Variants in TRIM36 observed in about 807,000 individuals in gnomAD.
TRIM36 encodes the protein E3 ubiquitin-protein ligase TRIM36.
A neutral mutation model predicts 72.4 loss-of-function variants in TRIM36; 42 were observed. The observed-to-expected ratio is 0.58, with a 90% confidence interval of 0.45 to 0.75. The LOEUF is 0.75. Ranked by LOEUF, TRIM36 falls within the 30% of genes least tolerant of loss-of-function variation. The probability of loss-of-function intolerance (pLI) is 0.00; values close to 1 mark genes in which losing one functional copy is unlikely to be tolerated. For missense variants in TRIM36, 913 were observed against 857.1 expected (o/e 1.07, Z -0.81); for synonymous variants, 315 against 282.8 (o/e 1.11, Z -1.14).
At chr5:115,136,465 T>C (rs769412704) in intron 7 of TRIM36, among the ~76,000 whole-genome samples, 1 of 152,198 alleles carries the variant, frequency 6.6e-6, no homozygotes, top group African/African-American at 2.4e-5. Flanking sequence ...ACTCAGTCTA[T>C]GGTACTTTTG....
chr5:115,177,752 A>C, intron 1 of TRIM36: 5 of 1,614,130 alleles, frequency 3.1e-6, no homozygotes, highest in Non-Finnish European at 4.2e-6. Flanking sequence ...GAATTGTCCT[A>C]AGTTCTTCTT....
At chr5:115,135,480 A>G (rs1485900598) in intron 7 of TRIM36, among the ~76,000 whole-genome samples, 1 of 68,388 alleles carries the variant, frequency 1.5e-5, no homozygotes, top group Non-Finnish European at 3.3e-5. Context: ...ATAGCTTACT[A>G]AAAAAAAAAA....
chr5:115,170,425 G>A (rs1163422485), upstream of TRIM36, among the ~76,000 whole-genome samples: 3 of 152,200 alleles, frequency 2.0e-5, no homozygotes, highest in Admixed American at 6.5e-5. Flanking sequence ...GCGAGCCTAA[G>A]CCACCTTCCC....
Position 115,133,968 on chromosome 5 carries a change from G to T in TRIM36, c.1390C>A (p.Gln464Lys). The T allele has an allele frequency of 6.2e-7, 1 of 1,613,766 alleles. No individual in the cohort carries two copies. Among genetic ancestry groups the T allele is most frequent in the Non-Finnish European group, 8.5e-7 (1 of 1,179,880 alleles). ...IEVCGTSKII[Q>K]DLENSSTYAF... ...TAGGTACTACTGTTTTCCAAGTCTT[G>T]AATTATTTTACTTGTTCCACACACT... Residue 464 changes from glutamine (Q) to lysine (K), a missense_variant, in exon 8 of 10, where the codon CAA becomes AAA. Physicochemically the swap from Gln to Lys is moderately conservative, Grantham distance 53. Coordinates refer to ENST00000513154, the MANE Select transcript of TRIM36 (RefSeq NM_001300759.2).
intron 1 of TRIM36, chr5:115,177,675 C>A: frequency 6.2e-7 from 1 of 1,606,954 alleles, no homozygotes; most frequent in Non-Finnish European, 8.5e-7. Flanking sequence ...AATAAGCTTA[C>A]GTTGAAATGG....
At chr5:115,156,414 C>T (rs1754184053) in intron 2 of TRIM36, among the ~76,000 whole-genome samples, 1 of 152,168 alleles carries the variant, frequency 6.6e-6, no homozygotes, top group East Asian at 1.9e-4. Flanking sequence ...TAATTTCAAA[C>T]TATACTGTAA....
In TRIM36 at chr5:115,141,227, G is replaced by C. The variant is rs374530706; in HGVS notation, c.831+52C>G. Reference sequence around the variant, plus strand: ...GGATTTTATGAACAAATGAATGAATGTCTAGATAAAATAACAATAATTTAA... The same window carrying C: ...GGATTTTATGAACAAATGAATGAATCTCTAGATAAAATAACAATAATTTAA... On this transcript the variant is annotated intron_variant, in intron 5 of 9. Transcript: ENST00000513154. 185 of 1,262,148 alleles carry C rather than the reference G, an allele frequency of 1.5e-4. No homozygotes were observed. The Middle Eastern group carries it at 3.2e-3, about 22-fold the overall frequency. The allele number at this position is 1,262,148 out of a possible 1,614,324, so 78.2% of individuals were successfully genotyped here.
rs764090439 is a variant in TRIM36, at chr5:115,144,719, G to A, written c.614C>T (p.Thr205Ile). The A allele has an allele frequency of 1.9e-6, 3 of 1,613,808 alleles. No homozygotes were observed. Among genetic ancestry groups the A allele is most frequent in the South Asian group, 1.1e-5 (1 of 91,014 alleles). The change falls in exon 4 of 10, where the codon ACA becomes ATA. Residue 205 changes from threonine to isoleucine, a missense_variant. By Grantham distance (89) the Thr-to-Ile change is moderately conservative. Coordinates refer to ENST00000513154, the MANE Select transcript of TRIM36 (RefSeq NM_001300759.2). ...TTCACAGTACATGTTTATTCTCTCT[G>A]TTTCATGTTCTGGGCACATTAAAAT... ...PKILMCPEHE[T>I]ERINMYCELC...
chr5:115,147,046 A>T (rs1299483670), intron 3 of TRIM36, 23 bp downstream of exon 3: 1 of 1,579,278 alleles, frequency 6.3e-7, no homozygotes, highest in Non-Finnish European at 8.6e-7. Flanking sequence ...ATAACATTCT[A>T]ACTTAATAAA....
intron 2 of TRIM36, among the ~76,000 whole-genome samples, chr5:115,161,915 A>G (rs925030710): frequency 3.3e-5 from 5 of 152,350 alleles, no homozygotes; most frequent in South Asian, 4.1e-4. Context: ...GCCCTGCAGC[A>G]TCTAAATTTG....
Position 115,169,807 on chromosome 5 carries a change from G to A in TRIM36, c.-173C>T, listed in dbSNP as rs1754998790. On this transcript the variant is annotated 5_prime_UTR_variant, in exon 1 of 10. Coordinates refer to ENST00000513154, the MANE Select transcript of TRIM36 (RefSeq NM_001300759.2). ...CCGACGCGGGGAGAAGTAAGCCGGG[G>A]CAGGCAAAAGCACAGGCGCGGGAGA... 6 of 1,317,002 alleles carry A rather than the reference G, an allele frequency of 4.6e-6. No homozygotes were observed. Among genetic ancestry groups the A allele is most frequent in the Non-Finnish European group, 4.9e-6 (5 of 1,027,662 alleles). The allele number at this position is 1,317,002 out of a possible 1,614,324, so 81.6% of individuals were successfully genotyped here. A position where few individuals can be genotyped will look rare whatever the true frequency, so the allele number is the denominator to read the frequency against.
At chr5:115,136,120 C>T (rs1488333153) in intron 7 of TRIM36, among the ~76,000 whole-genome samples, 2 of 151,960 alleles carry the variant, frequency 1.3e-5, no homozygotes, top group Non-Finnish European at 2.9e-5. Context: ...CAGACCCCAC[C>T]CCTCGCCACT....
At chr5:115,167,967 C>T (rs1440953549) in intron 1 of TRIM36, among the ~76,000 whole-genome samples, 4 of 152,186 alleles carry the variant, frequency 2.6e-5, no homozygotes, top group African/African-American at 7.2e-5. Context: ...GAAGCAAGCA[C>T]GTTTTACATG....
intron 2 of TRIM36, among the ~76,000 whole-genome samples, chr5:115,159,031 G>C (rs918108549): frequency 6.6e-6 from 1 of 152,128 alleles, no homozygotes; most frequent in East Asian, 1.9e-4. Flanking sequence ...AGGTCAACTG[G>C]AGTAAAAATA....
chr5:115,134,563 T>TG (rs943348163), intron 7 of TRIM36, among the ~76,000 whole-genome samples: 1 of 151,676 alleles, frequency 6.6e-6, no homozygotes, highest in Non-Finnish European at 1.5e-5. Context: ...TTTTTTAAGA[T>TG]GGAGTGTTGC....
intron 1 of TRIM36, among the ~76,000 whole-genome samples, chr5:115,167,184 GCAGCAGGGCCC>G (rs1436309522): frequency 2.0e-5 from 3 of 152,220 alleles, no homozygotes; most frequent in Non-Finnish European, 4.4e-5. Flanking sequence ...GCTGCACACA[GCAGCAGGGCCC>G]TGGGCCCACT....
At chr5:115,136,294 T>A (rs1456542513) in intron 7 of TRIM36, among the ~76,000 whole-genome samples, 17 of 3,530 alleles carry the variant, frequency 4.8e-3, no homozygotes, top group South Asian at 0.031. Flanking sequence ...ATTAGATCTC[T>A]CTCACACACA....
rs750417851 is a variant in TRIM36, at chr5:115,126,707, A to T, written c.1947T>A (p.Pro649=). Residue 649 remains proline, a synonymous_variant, in exon 10 of 10, where the codon CCT becomes CCA. Transcript: ENST00000513154. The part of the protein sequence containing the change: ...SSNEPENRVL[P]MPTSIGIFLD... ...GGAAAATCCCAATACTTGTTGGCATAGGGAGAACTCTATTTTCAGGTTCAT... is the reference window on the plus strand; with the variant it reads ...GGAAAATCCCAATACTTGTTGGCATTGGGAGAACTCTATTTTCAGGTTCAT... The T allele has an allele frequency of 6.2e-7, 1 of 1,614,222 alleles. No homozygotes were observed. Among genetic ancestry groups the T allele is most frequent in the African/African-American group, 1.3e-5 (1 of 75,072 alleles).
At chr5:115,179,563 T>C (rs965870385) in intron 1 of TRIM36, among the ~76,000 whole-genome samples, 11 of 152,288 alleles carry the variant, frequency 7.2e-5, no homozygotes, top group African/African-American at 2.2e-4. Context: ...GGGCGGACCC[T>C]CCCTCCACGC....
Sources: gnomAD v4.1 joint callset for allele counts (sites outside exome capture counted in the v4.1 genomes callset) on GRCh38, gnomAD v4.1.1 for gene constraint, MANE v1.5 for transcripts, NCBI Gene and HGNC (gene_info 2026-07-23, HGNC 2026-07-21) for gene names.